The following MBD5 variants were observed in gnomAD, a reference collection of about 807,000 sequenced individuals.
MBD5 encodes the protein methyl-CpG-binding domain protein 5.
In MBD5, 13 loss-of-function variants were observed where a neutral mutation model predicts 117.3. The observed-to-expected ratio is 0.11, with a 90% CI of 0.07 to 0.18. The LOEUF (loss-of-function observed/expected upper bound fraction) is 0.18, where lower values mean the gene tolerates loss of function less well. Among genes scored for constraint, MBD5 ranks in the 10% least tolerant of loss-of-function variants. The pLI, the probability that MBD5 is intolerant of heterozygous loss-of-function variation, is 1.00. For synonymous variants in MBD5, 727 were observed against 766.4 expected (o/e 0.95, Z 0.85); for missense variants, 1,879 against 2,093.8 (o/e 0.90, Z 2.00).
intron 1 of MBD5, among the ~76,000 whole-genome samples, chr2:148,142,754 T>C (rs1697349350): frequency 6.6e-6 from 1 of 151,880 alleles, no homozygotes; most frequent in Non-Finnish European, 1.5e-5. Context: ...AGGAAGGAGC[T>C]CTCCAGGAAA....
chr2:148,181,255 C>A (rs769837340), intron 2 of MBD5, among the ~76,000 whole-genome samples: 21 of 152,140 alleles, frequency 1.4e-4, no homozygotes, highest in Non-Finnish European at 2.2e-4. Flanking sequence ...ATATGGCAGC[C>A]ATATTTTCAC....
intron 4 of MBD5, among the ~76,000 whole-genome samples, chr2:148,415,019 T>C (rs1475891145): frequency 2.0e-5 from 3 of 152,192 alleles, no homozygotes; most frequent in African/African-American, 7.2e-5. Flanking sequence ...TATTGTTAGC[T>C]GGTTATTATG....
intron 1 of MBD5, among the ~76,000 whole-genome samples, chr2:148,083,002 G>T (rs1695684542): frequency 6.6e-6 from 1 of 152,116 alleles, no homozygotes; most frequent in Non-Finnish European, 1.5e-5. Flanking sequence ...AAAGAGGTTG[G>T]CATTTGCCCA....
At chr2:148,510,310 C>A (rs951277696) in intron 13 of MBD5, among the ~76,000 whole-genome samples, 175 bp downstream of exon 13, 2 of 152,110 alleles carry the variant, frequency 1.3e-5, no homozygotes, top group African/African-American at 2.4e-5. Flanking sequence ...GAAAAAGAAA[C>A]CTACCACATT....
chr2:148,342,822 C>A (rs1157576141), intron 4 of MBD5, among the ~76,000 whole-genome samples: 1 of 151,830 alleles, frequency 6.6e-6, no homozygotes. Context: ...GATTTGTTAA[C>A]TGGGTATACT....
intron 4 of MBD5, among the ~76,000 whole-genome samples, chr2:148,407,624 T>G (rs1283657140): frequency 6.6e-6 from 1 of 152,144 alleles, no homozygotes; most frequent in Admixed American, 6.6e-5. Flanking sequence ...AAAATAATAT[T>G]ATGTTGTTGA....
chr2:148,148,676 T>C (rs572714611), intron 1 of MBD5, among the ~76,000 whole-genome samples: 1 of 152,240 alleles, frequency 6.6e-6, no homozygotes, highest in Non-Finnish European at 1.5e-5. Flanking sequence ...AAATATATGG[T>C]ATTTCCCAAT....
At chr2:148,482,496 T>C (rs1482409603) in intron 8 of MBD5, among the ~76,000 whole-genome samples, 1 of 152,074 alleles carries the variant, frequency 6.6e-6, no homozygotes, top group Non-Finnish European at 1.5e-5. Flanking sequence ...TATATGCATA[T>C]GTGTATATAT....
chr2:148,426,200 C>G (rs190922352), intron 4 of MBD5, among the ~76,000 whole-genome samples: 1 of 152,140 alleles, frequency 6.6e-6, no homozygotes, highest in Non-Finnish European at 1.5e-5. Flanking sequence ...TAGGAAGAAT[C>G]AATATTGTGA....
intron 3 of MBD5, among the ~76,000 whole-genome samples, chr2:148,330,088 T>TAC (rs377202803): frequency 0.023 from 911 of 40,408 alleles, 28 homozygotes; most frequent in African/African-American, 0.062. Context: ...CCTCCTGCCA[T>TAC]ACACACACAC....
At chr2:148,446,602 C>CTATGTGTGTG (rs1553516216) in intron 4 of MBD5, among the ~76,000 whole-genome samples, 14,548 of 148,622 alleles carry the variant, frequency 0.098, 860 homozygotes, top group Admixed American at 0.18. Context: ...GATTATTTAT[C>CTATGTGTGTG]TGTGTGTGTG....
intron 2 of MBD5, among the ~76,000 whole-genome samples, chr2:148,183,686 T>TA (rs1053786761): frequency 2.0e-5 from 3 of 152,102 alleles, no homozygotes; most frequent in African/African-American, 4.8e-5. Flanking sequence ...GTTGGCTATT[T>TA]AAAAAAACAG....
chr2:148,355,284 C>T (rs1007474458), intron 4 of MBD5, among the ~76,000 whole-genome samples: 1 of 148,946 alleles, frequency 6.7e-6, no homozygotes, highest in Non-Finnish European at 1.5e-5. Flanking sequence ...TTAATTAGAT[C>T]CCATTTGTCG....
chr2:148,452,404 G>T (rs540073383), intron 4 of MBD5, among the ~76,000 whole-genome samples: 8 of 152,186 alleles, frequency 5.3e-5, no homozygotes, highest in African/African-American at 1.9e-4. Context: ...GGAGGCTGAG[G>T]CAGGAGGATA....
At chr2:148,084,567 A>G (rs975260819) in intron 1 of MBD5, among the ~76,000 whole-genome samples, 4 of 152,234 alleles carry the variant, frequency 2.6e-5, no homozygotes, top group Non-Finnish European at 5.9e-5. Context: ...CTCAGAAACA[A>G]CACAATATCT....
At chr2:148,386,241 T>G (rs2105483779) in intron 4 of MBD5, among the ~76,000 whole-genome samples, 1 of 151,980 alleles carries the variant, frequency 6.6e-6, no homozygotes, top group South Asian at 2.1e-4. Context: ...ATTAATGAAA[T>G]GAAAACATAC....
At chr2:148,427,697 A>G (rs531172231) in intron 4 of MBD5, among the ~76,000 whole-genome samples, 1 of 152,272 alleles carries the variant, frequency 6.6e-6, no homozygotes, top group East Asian at 1.9e-4. Context: ...TTAAATGAAG[A>G]GTTAATGGGT....
At chr2:148,455,188 C>T (rs1706845847) in intron 4 of MBD5, among the ~76,000 whole-genome samples, 1 of 152,016 alleles carries the variant, frequency 6.6e-6, no homozygotes, top group Admixed American at 6.6e-5. Flanking sequence ...TAAATGATAA[C>T]TATATTGGAT....
chr2:148,131,124 T>A (rs959988999), intron 1 of MBD5, among the ~76,000 whole-genome samples: 4 of 152,220 alleles, frequency 2.6e-5, no homozygotes, highest in Non-Finnish European at 4.4e-5. Context: ...ATGCAATGAT[T>A]AATTGTCCAT....
Sources: allele counts gnomAD v4.1 joint callset (sites outside exome capture counted in the v4.1 genomes callset), GRCh38; gene constraint gnomAD v4.1.1; transcripts MANE v1.5; gene names NCBI Gene and HGNC (gene_info 2026-07-23, HGNC 2026-07-21).